The following TP63 variants were observed in gnomAD, a reference collection of about 807,000 sequenced individuals.
The protein encoded by TP63 is tumor protein 63.
Under a neutral mutation model 82.8 loss-of-function variants are expected in TP63, and 17 were observed. The ratio of observed to expected loss-of-function variants is 0.21; its 90% CI spans 0.14 to 0.31. The LOEUF (loss-of-function observed/expected upper bound fraction) is 0.31, where lower values mean the gene tolerates loss of function less well. Ranked by LOEUF, TP63 falls within the 10% of genes least tolerant of loss-of-function variation. The pLI, the probability that TP63 is intolerant of heterozygous loss-of-function variation, is 1.00. For synonymous variants in TP63, 330 were observed against 321.7 expected, an observed-to-expected ratio of 1.03 and a Z score of -0.28; for missense variants, 648 against 895.3, an observed-to-expected ratio of 0.72 and a Z score of 3.52.
chr3:189,617,975 G>GAGTA, the TP63 span, among the ~76,000 whole-genome samples: 3 of 152,182 alleles, frequency 2.0e-5, no homozygotes, highest in Non-Finnish European at 4.4e-5. Context: ...TCCCTGGATA[G>GAGTA]CAACATTAAC....
At chr3:189,829,872 A>T in intron 4 of TP63, 1 of 381,182 alleles carries the variant, frequency 2.6e-6, no homozygotes, top group Non-Finnish European at 5.3e-6. Context: ...TATAACCTTA[A>T]TTTTTTTCAA....
chr3:189,891,944 A>G (rs1721063633), intron 13 of TP63, among the ~76,000 whole-genome samples: 1 of 152,138 alleles, frequency 6.6e-6, no homozygotes, highest in Non-Finnish European at 1.5e-5. Context: ...CCCCTGCAGC[A>G]TAAGAATGCC....
chr3:189,880,860 C>T (rs1719833579), intron 10 of TP63: 4 of 985,350 alleles, frequency 4.1e-6, no homozygotes, highest in Middle Eastern at 5.2e-4. Context: ...TGTGTACCTG[C>T]CTCTGCCACT....
At chr3:189,751,481 G>C (rs1378189280) in intron 3 of TP63, among the ~76,000 whole-genome samples, 2 of 152,178 alleles carry the variant, frequency 1.3e-5, no homozygotes, top group Non-Finnish European at 2.9e-5. Flanking sequence ...TCCAGCATCT[G>C]TTGTTTCCTG....
intron 4 of TP63, among the ~76,000 whole-genome samples, chr3:189,831,853 G>A (rs564121314): frequency 8.0e-5 from 9 of 112,372 alleles, no homozygotes; most frequent in Non-Finnish European, 1.4e-4. Flanking sequence ...TTTTTGAGAC[G>A]GAGTCTCACT....
chr3:189,707,594 T>C (rs1051930768), intron 1 of TP63, among the ~76,000 whole-genome samples: 1 of 152,192 alleles, frequency 6.6e-6, no homozygotes, highest in Non-Finnish European at 1.5e-5. Flanking sequence ...TTTTGCTCTT[T>C]TACATATGTC....
At chr3:189,844,977 A>G (rs1714677790) in intron 4 of TP63, among the ~76,000 whole-genome samples, 1 of 152,146 alleles carries the variant, frequency 6.6e-6, no homozygotes, top group East Asian at 1.9e-4. Flanking sequence ...CATTCCCAGC[A>G]GTTCTAATTA....
chr3:189,703,092 A>C (rs952835739), intron 1 of TP63, among the ~76,000 whole-genome samples: 1 of 152,172 alleles, frequency 6.6e-6, no homozygotes, highest in Non-Finnish European at 1.5e-5. Flanking sequence ...TGAGTGGTGC[A>C]ATCAGAACTG....
chr3:189,684,184 T>TCAA (rs1348382962), intron 1 of TP63, among the ~76,000 whole-genome samples: 4 of 152,212 alleles, frequency 2.6e-5, no homozygotes, highest in Non-Finnish European at 5.9e-5. Flanking sequence ...ATTCAGTAAT[T>TCAA]CAACATTTAT....
chr3:189,742,242 CCAAAAA>C (rs1560150057), intron 3 of TP63, among the ~76,000 whole-genome samples: 1 of 62,354 alleles, frequency 1.6e-5, no homozygotes. Context: ...AAACTCCATC[CCAAAAA>C]AAAAAAAAAA....
At chr3:189,600,008 A>C in the TP63 span, among the ~76,000 whole-genome samples, 9 of 152,224 alleles carry the variant, frequency 5.9e-5, no homozygotes, top group African/African-American at 1.9e-4. Flanking sequence ...AATGGATACT[A>C]TACCATTTCA....
chr3:189,673,077 G>A (rs1715068384), intron 1 of TP63, among the ~76,000 whole-genome samples: 1 of 151,608 alleles, frequency 6.6e-6, no homozygotes, highest in African/African-American at 2.4e-5. Context: ...CTGACTTCAG[G>A]TGATCCACCC....
intron 4 of TP63, among the ~76,000 whole-genome samples, chr3:189,848,239 T>TCTCTCTCTCTC (rs372147574): frequency 4.2e-5 from 4 of 95,982 alleles, no homozygotes; most frequent in African/African-American, 1.3e-4. Flanking sequence ...CTCCTCCTCC[T>TCTCTCTCTCTC]TCTCTCTCTC....
At chr3:189,632,613 G>C (rs1417458095) in intron 1 of TP63, among the ~76,000 whole-genome samples, 2 of 152,198 alleles carry the variant, frequency 1.3e-5, no homozygotes, top group Non-Finnish European at 2.9e-5. Context: ...AAGATAAATA[G>C]AATAAAGGAG....
At chr3:189,812,930 G>A (rs567222058) in intron 4 of TP63, among the ~76,000 whole-genome samples, 7 of 152,228 alleles carry the variant, frequency 4.6e-5, no homozygotes, top group African/African-American at 1.7e-4. Flanking sequence ...TAGAGGGACT[G>A]TGATACTATC....
intron 1 of TP63, among the ~76,000 whole-genome samples, chr3:189,684,052 A>G (rs1387809622): frequency 1.3e-5 from 2 of 152,222 alleles, no homozygotes; most frequent in Admixed American, 6.5e-5. Context: ...CGGTAATACA[A>G]GGTGTGAGTG....
chr3:189,685,514 C>T (rs924494967), intron 1 of TP63, among the ~76,000 whole-genome samples: 1 of 152,194 alleles, frequency 6.6e-6, no homozygotes, highest in Non-Finnish European at 1.5e-5. Flanking sequence ...TTCTGTAGCA[C>T]TTACTTTAAA....
At chr3:189,853,861 G>A (rs1020108805) in intron 4 of TP63, among the ~76,000 whole-genome samples, 5 of 152,112 alleles carry the variant, frequency 3.3e-5, no homozygotes, top group African/African-American at 7.2e-5. Context: ...TTCTATCTCT[G>A]TAATCCCATA....
chr3:189,635,663 C>T (rs1287063753), intron 1 of TP63, among the ~76,000 whole-genome samples: 1 of 152,034 alleles, frequency 6.6e-6, no homozygotes, highest in East Asian at 1.9e-4. Flanking sequence ...TACTCCCTCC[C>T]CTTCCTTTTC....
Sources: allele counts gnomAD v4.1 joint callset (sites outside exome capture counted in the v4.1 genomes callset), GRCh38; gene constraint gnomAD v4.1.1; transcripts MANE v1.5; gene names NCBI Gene and HGNC (gene_info 2026-07-23, HGNC 2026-07-21).